SSBP2: variants seen among roughly 807,000 people sequenced by gnomAD.
SSBP2 encodes the protein single-stranded DNA-binding protein 2.
In SSBP2, 17 loss-of-function variants were observed where a neutral mutation model predicts 61.8. That is an observed-to-expected ratio of 0.28 (90% confidence interval 0.19 to 0.41). The LOEUF is 0.41. Ranked by LOEUF, SSBP2 falls within the 10% of genes least tolerant of loss-of-function variation. The pLI, the probability that SSBP2 is intolerant of heterozygous loss-of-function variation, is 1.00. For missense variants in SSBP2, 310 were observed against 458.7 expected (o/e 0.68, Z 2.96); for synonymous variants, 139 against 141.3 (o/e 0.98, Z 0.12).
In SSBP2 at chr5:81,414,741, G is replaced by A. The variant is rs1340576535; in HGVS notation, c.*5763C>T. The A allele has an allele frequency of 1.3e-5, 2 of 152,188 alleles. No individual in the cohort carries two copies. The highest frequency in any genetic ancestry group is 3.8e-4 in the East Asian group (2 of 5,200). 9.4% of individuals were successfully genotyped at this position (152,188 alleles called of 1,614,324 possible). On this transcript the variant is annotated 3_prime_UTR_variant, in exon 17 of 17. Transcript: ENST00000320672. ...CATGGGTGTGCTAAACCTACGCACA[G>A]GAGACTCCATCTGCGTATGTCTTGT...
chr5:81,624,748 G>A (rs1471646489), intron 3 of SSBP2, among the ~76,000 whole-genome samples: 1 of 152,082 alleles, frequency 6.6e-6, no homozygotes, highest in Non-Finnish European at 1.5e-5. Context: ...TGAGCTAGTA[G>A]ACAAATCACT....
chr5:81,704,243 T>G (rs570266746), intron 1 of SSBP2, among the ~76,000 whole-genome samples: 4 of 152,314 alleles, frequency 2.6e-5, no homozygotes, highest in African/African-American at 9.6e-5. Flanking sequence ...TTTCACTATC[T>G]CTACTTCACT....
chr5:81,689,311 GAAT>G (rs1753038767), intron 1 of SSBP2, among the ~76,000 whole-genome samples: 1 of 152,024 alleles, frequency 6.6e-6, no homozygotes, highest in Non-Finnish European at 1.5e-5. Flanking sequence ...CTATTCAAAG[GAAT>G]AATAACAGAA....
chr5:81,509,531 G>C (rs1457100083), intron 5 of SSBP2, among the ~76,000 whole-genome samples: 3 of 152,116 alleles, frequency 2.0e-5, no homozygotes, highest in Admixed American at 6.6e-5. Context: ...TGATATTTAG[G>C]ACACACTTGA....
intron 1 of SSBP2, among the ~76,000 whole-genome samples, chr5:81,733,811 A>C (rs962578665): frequency 2.0e-5 from 3 of 152,214 alleles, no homozygotes; most frequent in Non-Finnish European, 4.4e-5. Context: ...CCTCAGCTAC[A>C]GTCCCTAGTT....
At chr5:81,677,492 G>A (rs1403298759) in intron 1 of SSBP2, among the ~76,000 whole-genome samples, 1 of 152,080 alleles carries the variant, frequency 6.6e-6, no homozygotes, top group South Asian at 2.1e-4. Context: ...ATAAATTGCT[G>A]GAGGCTCAGC....
chr5:81,599,465 T>A (rs1003253514), intron 4 of SSBP2, among the ~76,000 whole-genome samples: 1 of 152,202 alleles, frequency 6.6e-6, no homozygotes, highest in Admixed American at 6.5e-5. Flanking sequence ...GCCACAGAAT[T>A]CCTTGCAGCA....
At chr5:81,559,365 T>C (rs1038367876) in intron 4 of SSBP2, among the ~76,000 whole-genome samples, 13 of 143,098 alleles carry the variant, frequency 9.1e-5, no homozygotes, top group Middle Eastern at 3.8e-3. Context: ...CCAGCCTGGT[T>C]GACAGAGCGA....
At chr5:81,709,792 C>T (rs560463874) in intron 1 of SSBP2, among the ~76,000 whole-genome samples, 10 of 151,742 alleles carry the variant, frequency 6.6e-5, no homozygotes, top group East Asian at 1.9e-4. Context: ...AAAAGTCCAA[C>T]GAAAATAAAT....
At chr5:81,746,621 T>C (rs1757365219) in intron 1 of SSBP2, among the ~76,000 whole-genome samples, 1 of 152,150 alleles carries the variant, frequency 6.6e-6, no homozygotes, top group Non-Finnish European at 1.5e-5. Context: ...TAAATGTTCA[T>C]TATACTGTAA....
At chr5:81,426,414 A>C (rs1034685839) in intron 16 of SSBP2, among the ~76,000 whole-genome samples, 15 of 152,138 alleles carry the variant, frequency 9.9e-5, no homozygotes, top group Non-Finnish European at 1.9e-4. Flanking sequence ...TCCTTTTACA[A>C]CATTTCTGGT....
chr5:81,623,154 G>A (rs1199742735), intron 3 of SSBP2, among the ~76,000 whole-genome samples: 1 of 152,052 alleles, frequency 6.6e-6, no homozygotes, highest in Non-Finnish European at 1.5e-5. Flanking sequence ...TAAAACCGAA[G>A]TTTTGTAATG....
intron 2 of SSBP2, among the ~76,000 whole-genome samples, chr5:81,637,375 G>A (rs979054893): frequency 2.6e-5 from 4 of 152,174 alleles, no homozygotes; most frequent in African/African-American, 9.7e-5. Flanking sequence ...TAACTTCTGT[G>A]TGCTGTTGTT....
chr5:81,445,627 GT>G (rs1008537211), intron 12 of SSBP2, among the ~76,000 whole-genome samples: 1 of 151,912 alleles, frequency 6.6e-6, no homozygotes, highest in Non-Finnish European at 1.5e-5. Flanking sequence ...GTAAAATTTT[GT>G]ATTAATTATC....
chr5:81,616,294 C>T (rs1007688385), intron 3 of SSBP2: 9 of 146,714 alleles, frequency 6.1e-5, no homozygotes, highest in South Asian at 4.6e-4. Flanking sequence ...ACCTGGGAAG[C>T]GCAAGGGGTC....
At chr5:81,722,316 A>G (rs1003164927) in intron 1 of SSBP2, among the ~76,000 whole-genome samples, 1 of 151,980 alleles carries the variant, frequency 6.6e-6, no homozygotes, top group African/African-American at 2.4e-5. Context: ...CAAAAGTGAA[A>G]TATAACTATA....
chr5:81,716,292 T>TC (rs1755167966), intron 1 of SSBP2, among the ~76,000 whole-genome samples: 1 of 152,178 alleles, frequency 6.6e-6, no homozygotes, highest in Non-Finnish European at 1.5e-5. Flanking sequence ...ACTGTCGTCC[T>TC]CCATTACAAG....
At chr5:81,508,935 C>T (rs533663593) in intron 5 of SSBP2, among the ~76,000 whole-genome samples, 34 of 152,178 alleles carry the variant, frequency 2.2e-4, no homozygotes, top group African/African-American at 7.5e-4. Context: ...AATTCTTTTT[C>T]GGTCTAGTCC....
chr5:81,428,509 T>G, intron 16 of SSBP2, 76 bp downstream of exon 16: 1 of 1,070,012 alleles, frequency 9.3e-7, no homozygotes, highest in South Asian at 1.3e-5. Context: ...GCAGTAAAAG[T>G]GGCTTTATGC....
Sources: allele counts gnomAD v4.1 joint callset (sites outside exome capture counted in the v4.1 genomes callset), GRCh38; gene constraint gnomAD v4.1.1; transcripts MANE v1.5; gene names NCBI Gene and HGNC (gene_info 2026-07-23, HGNC 2026-07-21).